The following PPP6R3 variants were observed in gnomAD, a reference collection of about 807,000 sequenced individuals.
The protein encoded by PPP6R3 is serine/threonine-protein phosphatase 6 regulatory subunit 3.
A neutral mutation model predicts 110.7 loss-of-function variants in PPP6R3; 38 were observed. The ratio of observed to expected loss-of-function variants is 0.34; its 90% confidence interval spans 0.26 to 0.45. PPP6R3 has a LOEUF of 0.45. Among genes scored for constraint, PPP6R3 ranks in the 20% least tolerant of loss-of-function variants. The pLI, the probability that PPP6R3 is intolerant of heterozygous loss-of-function variation, is 1.00. For missense variants in PPP6R3, 870 were observed against 1,062.4 expected, an observed-to-expected ratio of 0.82 and a Z score of 2.52; for synonymous variants, 369 against 373.5, an observed-to-expected ratio of 0.99 and a Z score of 0.14.
At chr11:68,556,572 A>G (rs1235428814) in intron 7 of PPP6R3, among the ~76,000 whole-genome samples, 1 of 151,202 alleles carries the variant, frequency 6.6e-6, no homozygotes, top group Non-Finnish European at 1.5e-5. Context: ...ACAATGAGCC[A>G]TTGTCCCAAA....
intron 19 of PPP6R3, among the ~76,000 whole-genome samples, chr11:68,599,506 C>CTGCAG (rs1411836519): frequency 2.0e-5 from 3 of 152,252 alleles, no homozygotes; most frequent in Non-Finnish European, 4.4e-5. Context: ...GGAAGCCTAA[C>CTGCAG]TGCAGTGCAC....
intron 18 of PPP6R3, among the ~76,000 whole-genome samples, chr11:68,594,367 T>C (rs1414885404): frequency 8.4e-6 from 1 of 119,382 alleles, no homozygotes; most frequent in Non-Finnish European, 1.7e-5. Context: ...AGAGAGTGAG[T>C]TAAATATGAC....
At chr11:68,598,747 A>G (rs75497514) in intron 19 of PPP6R3, among the ~76,000 whole-genome samples, 1,697 of 152,358 alleles carry the variant, frequency 0.011, 23 homozygotes, top group South Asian at 0.022. Context: ...TTTGTGTGTA[A>G]TATAATTTAG....
In PPP6R3 at chr11:68,460,768, G is replaced by C. The variant is rs2098697217; in HGVS notation, c.-217G>C. On this transcript the variant is annotated 5_prime_UTR_variant, in exon 1 of 24. Coordinates refer to ENST00000393800, the MANE Select transcript of PPP6R3 (RefSeq NM_001164161.2). ...CGCCATTTTGGGCGCTTCGCTGATG[G>C]TGTCGGTGAGCGCGTTTCCCGCCTG... is the stretch of plus-strand genomic sequence containing the variant. 6.6e-6 allele frequency: 1 copy of C among 152,298 alleles called. No homozygotes were observed. Among genetic ancestry groups the C allele is most frequent in the South Asian group, 2.1e-4 (1 of 4,834 alleles). The allele number at this position is 152,298 out of a possible 1,614,324, so 9.4% of individuals were successfully genotyped here.
At chr11:68,562,788 C>A (rs2099429921) in intron 8 of PPP6R3, among the ~76,000 whole-genome samples, 1 of 152,104 alleles carries the variant, frequency 6.6e-6, no homozygotes, top group Admixed American at 6.5e-5. Flanking sequence ...AGACATAAAA[C>A]TAGTAGTTCT....
At chr11:68,569,397 A>C (rs563348857) in intron 10 of PPP6R3, among the ~76,000 whole-genome samples, 1 of 152,366 alleles carries the variant, frequency 6.6e-6, no homozygotes, top group South Asian at 2.1e-4. Context: ...GACAAAGTTT[A>C]ATTTATAAAT....
rs1214055865 is a variant in PPP6R3, at chr11:68,503,141, A to G, written c.-157-16360A>G. Among the ~76,000 whole-genome samples, 10 of 152,062 alleles carry G rather than the reference A, an allele frequency of 6.6e-5. No individual in the cohort carries two copies. The East Asian group carries it at 1.5e-3, about 23-fold the overall frequency. On this transcript the variant is annotated intron_variant, in intron 1 of 23. Transcript: ENST00000393800. The stretch of plus-strand genomic sequence containing the variant: ...GTATTTTTTAGTAGAGACAGGTTTC[A>G]CCATATTGGACAGGCTGGTCTCAAA...
At chr11:68,470,125 G>C (rs950329370) in intron 1 of PPP6R3, among the ~76,000 whole-genome samples, 1 of 152,130 alleles carries the variant, frequency 6.6e-6, no homozygotes, top group African/African-American at 2.4e-5. Flanking sequence ...AAAAGTCCTT[G>C]TTTTCATGGA....
intron 1 of PPP6R3, among the ~76,000 whole-genome samples, chr11:68,503,621 C>T (rs1290267128): frequency 6.6e-6 from 1 of 152,070 alleles, no homozygotes; most frequent in African/African-American, 2.4e-5. Flanking sequence ...GTGAGGTGTA[C>T]GTGAGGACAG....
At chr11:68,497,940 CATT>C (rs1211437361) in intron 1 of PPP6R3, among the ~76,000 whole-genome samples, 1 of 152,058 alleles carries the variant, frequency 6.6e-6, no homozygotes, top group Non-Finnish European at 1.5e-5. Flanking sequence ...CAGATGAGAT[CATT>C]GTTGTTTATT....
At chr11:68,538,621 C>T (rs1315790261) in intron 3 of PPP6R3, among the ~76,000 whole-genome samples, 1 of 152,192 alleles carries the variant, frequency 6.6e-6, no homozygotes, top group Non-Finnish European at 1.5e-5. Flanking sequence ...TCTCTCTTGC[C>T]ATTTGTCCCT....
intron 2 of PPP6R3, among the ~76,000 whole-genome samples, chr11:68,537,071 G>A (rs916693295): frequency 1.3e-5 from 2 of 152,186 alleles, no homozygotes; most frequent in South Asian, 4.1e-4. Context: ...ATATGTATGT[G>A]GCGTAGTGAT....
chr11:68,608,172 T>G, intron 22 of PPP6R3, among the ~76,000 whole-genome samples: 1 of 151,670 alleles, frequency 6.6e-6, no homozygotes, highest in Non-Finnish European at 1.5e-5. Flanking sequence ...GAAAAAAACA[T>G]CTGTAGTAGC....
At chr11:68,603,154 T>C (rs917352545) in intron 21 of PPP6R3, among the ~76,000 whole-genome samples, 188 bp from the exon 22 acceptor site, 3 of 151,944 alleles carry the variant, frequency 2.0e-5, no homozygotes, top group Non-Finnish European at 2.9e-5. Context: ...AACCCCTCTT[T>C]AGTGGGCATC....
At chr11:68,483,186 CTT>C (rs1481182674) in intron 1 of PPP6R3, among the ~76,000 whole-genome samples, 5 of 152,132 alleles carry the variant, frequency 3.3e-5, no homozygotes, top group Non-Finnish European at 7.4e-5. Flanking sequence ...GGGAAGAAAA[CTT>C]TTCTTAGAAA....
At chr11:68,528,432 G>GT (rs745444614) in intron 2 of PPP6R3, among the ~76,000 whole-genome samples, 8 of 35,204 alleles carry the variant, frequency 2.3e-4, no homozygotes, top group Non-Finnish European at 4.0e-4. Context: ...ATTTGTGTGT[G>GT]TGGGGGGGGG....
intron 14 of PPP6R3, among the ~76,000 whole-genome samples, chr11:68,580,897 G>A (rs2099551774): frequency 6.6e-6 from 1 of 151,510 alleles, no homozygotes; most frequent in African/African-American, 2.4e-5. Flanking sequence ...TCAGCCTCCT[G>A]AGTAGCTGGG....
chr11:68,477,254 G>A (rs1002365056), intron 1 of PPP6R3, among the ~76,000 whole-genome samples: 7 of 151,524 alleles, frequency 4.6e-5, no homozygotes, highest in South Asian at 2.1e-4. Context: ...GATGGGGGTG[G>A]GTGTTAGAAT....
chr11:68,529,661 G>A (rs772804345), intron 2 of PPP6R3, among the ~76,000 whole-genome samples: 3 of 152,188 alleles, frequency 2.0e-5, no homozygotes, highest in Non-Finnish European at 2.9e-5. Flanking sequence ...AATGTTTCTA[G>A]GTATTAGAGG....
Sources: allele counts gnomAD v4.1 joint callset (sites outside exome capture counted in the v4.1 genomes callset), GRCh38; gene constraint gnomAD v4.1.1; transcripts MANE v1.5; gene names NCBI Gene and HGNC (gene_info 2026-07-23, HGNC 2026-07-21).